Variants in CARMIL3 observed in about 807,000 individuals in gnomAD.
The protein encoded by CARMIL3 is capping protein, Arp2/3 and myosin-I linker protein 3.
Under a neutral mutation model 180.8 loss-of-function variants are expected in CARMIL3, and 88 were observed. The ratio of observed to expected loss-of-function variants is 0.49; its 90% CI spans 0.41 to 0.58. The LOEUF (loss-of-function observed/expected upper bound fraction) is 0.58, where lower values mean the gene tolerates loss of function less well. Ranked by LOEUF, CARMIL3 falls within the 20% of genes least tolerant of loss-of-function variation. The pLI is 0.00. For missense variants in CARMIL3, 1,548 were observed against 1,787.0 expected (o/e 0.87, Z 2.41); for synonymous variants, 696 against 714.5 (o/e 0.97, Z 0.41).
intron 23 of CARMIL3, 31 bp downstream of exon 23, chr14:24,060,094 C>G: frequency 6.2e-7 from 1 of 1,613,752 alleles, no homozygotes; most frequent in South Asian, 1.1e-5. Flanking sequence ...CAGGGTGGCA[C>G]AGCAAGGGGC....
Position 24,054,843 on chromosome 14 carries a change from C to G in CARMIL3, c.460+35C>G, listed in dbSNP as rs374883728. Reference sequence around the variant, plus strand: ...GGCAGATGTGAGGAAAGTAGGCGCTCCACCATCTTGCCCCATGATCAGAGC... The same window carrying G: ...GGCAGATGTGAGGAAAGTAGGCGCTGCACCATCTTGCCCCATGATCAGAGC... On this transcript the variant is annotated intron_variant, in intron 6 of 39. Coordinates refer to ENST00000342740, the MANE Select transcript of CARMIL3 (RefSeq NM_138360.4). The surrounding 1 kb of genome is among the most constrained non-coding windows in gnomAD (Gnocchi z 5.1). The G allele has an allele frequency of 2.5e-6, 4 of 1,590,042 alleles. No homozygotes were observed. Among genetic ancestry groups the G allele is most frequent in the Non-Finnish European group, 3.4e-6 (4 of 1,160,078 alleles).
chr14:24,062,989 A>G lies in CARMIL3; in HGVS notation c.2707-131A>G, dbSNP rs563034362. On this transcript the variant is annotated intron_variant, in intron 29 of 39. Transcript: ENST00000342740. ...CTGCCTCCAATCTCAATCCAGCCCA[A>G]CCTCTTCCCTCATCCCAGTGCCTCA... 4.1e-5 allele frequency: 63 copies of G among 1,536,164 alleles called. No individual in the cohort carries two copies. The South Asian group carries it at 4.2e-4, about 10-fold the overall frequency.
In CARMIL3 at chr14:24,066,581, A is replaced by G; in HGVS notation, c.3607A>G (p.Lys1203Glu). Residue 1203 changes from lysine (K) to glutamate (E), a missense_variant, in exon 36 of 40, where the codon AAG becomes GAG. Coordinates refer to ENST00000342740, the MANE Select transcript of CARMIL3 (RefSeq NM_138360.4). ...CTCTACTCCAGGGCCTGGATCCTGG[A>G]AGCCCCCACCACCGCCCCAAAGCAC... The part of the protein sequence containing the change: ...SSDDAGPGSW[K>E]PPPPPQSTKP... The G allele has an allele frequency of 6.2e-7, 1 of 1,614,112 alleles. No homozygotes were observed. The highest frequency in any genetic ancestry group is 8.5e-7 in the Non-Finnish European group (1 of 1,179,968).
intron 25 of CARMIL3, 50 bp from the exon 26 acceptor site, chr14:24,060,877 C>G (rs746277070): frequency 2.6e-6 from 4 of 1,540,488 alleles, no homozygotes; most frequent in Middle Eastern, 1.7e-4. Context: ...CCCCAGAGAC[C>G]TAGCAAGTCC....
Position 24,055,738 on chromosome 14 carries a change from G to A in CARMIL3, c.719G>A (p.Ser240Asn), listed in dbSNP as rs778054208. Residue 240 changes from serine to asparagine, a missense_variant, in exon 10 of 40, where the codon AGC (serine) becomes AAC (asparagine). Transcript: ENST00000342740. ...EVLEQVLHTL[S>N]KSGSLEELVL... The stretch of plus-strand genomic sequence containing the variant: ...CTAGAACAGGTGCTACATACCCTAA[G>A]CAAGTCGGGGAGCCTCGAAGAGCTG... 6.2e-7 allele frequency: 1 copy of A among 1,614,116 alleles called. No homozygotes were observed. The highest frequency in any genetic ancestry group is 8.5e-7 in the Non-Finnish European group (1 of 1,179,994).
At chr14:24,064,608 TG>T (rs2138781616) in intron 32 of CARMIL3, among the ~76,000 whole-genome samples, 1 of 151,188 alleles carries the variant, frequency 6.6e-6, no homozygotes. Flanking sequence ...GAGAGGGAGG[TG>T]GGGGGCAGCC....
chr14:24,066,487 C>T (rs2035787968), intron 35 of CARMIL3, 23 bp downstream of exon 35: 1 of 1,613,820 alleles, frequency 6.2e-7, no homozygotes, highest in East Asian at 2.2e-5. Flanking sequence ...ACATTCAAAG[C>T]CCTTTTGGAC....
intron 1 of CARMIL3, among the ~76,000 whole-genome samples, chr14:24,052,989 A>C (rs1052171186): frequency 1.3e-5 from 2 of 152,104 alleles, no homozygotes; most frequent in African/African-American, 2.4e-5. Flanking sequence ...CCACACCTGC[A>C]CACACACACA....
At position 24,060,687 on chromosome 14, in the gene CARMIL3, C is replaced by T. The variant is rs1053237835; in HGVS notation, c.2121C>T (p.Pro707=). 6.2e-7 allele frequency: 1 copy of T among 1,613,884 alleles called. No homozygotes were observed. The highest frequency in any genetic ancestry group is 8.5e-7 in the Non-Finnish European group (1 of 1,179,838). ...QEEVRALRLC[P]LEPVQDELLY... ...AGGTGCGGGCCCTGAGACTATGCCC[C>T]CTGGAGCCTGTGCAGGATGAGCTAC... Residue 707 remains proline, a synonymous_variant, in exon 25 of 40, where the codon CCC becomes CCT. Coordinates refer to ENST00000342740, the MANE Select transcript of CARMIL3 (RefSeq NM_138360.4).
In CARMIL3 at chr14:24,057,843, C is replaced by T. The variant is rs201678261; in HGVS notation, c.1181C>T (p.Thr394Ile). Residue 394 changes from threonine to isoleucine, a missense_variant, in exon 15 of 40, where the codon ACC becomes ATC. By Grantham distance (89) the Thr-to-Ile change is moderately conservative. This residue lies in a region of CARMIL3 where 578 missense variants were observed against 666.5 expected (regional missense o/e 0.87). Transcript: ENST00000342740. ...CTCCACGGCTGCTGCTCCCACCTCA[C>T]CTACCTCAACCTGGCTCGCAACAGC... is the stretch of plus-strand genomic sequence containing the variant. ...ALLHGCCSHL[T>I]YLNLARNSCS... 9.9e-6 allele frequency: 16 copies of T among 1,612,236 alleles called. No individual in the cohort carries two copies. The East Asian group carries it at 3.1e-4, about 31-fold the overall frequency.
At position 24,061,061 on chromosome 14, in the gene CARMIL3, G is replaced by C. The variant is rs2035728147; in HGVS notation, c.2304+21G>C. 1 of 1,546,188 alleles carries C rather than the reference G, an allele frequency of 6.5e-7. No homozygotes were observed. The highest frequency in any genetic ancestry group is 1.4e-5 in the African/African-American group (1 of 73,054). ...TGCAGGCAAGTCCTGGAGGAGGGAG[G>C]AATCCATGGTGGGAACCTAGTGTTG... is the stretch of plus-strand genomic sequence containing the variant. On this transcript the variant is annotated intron_variant, in intron 26 of 39. Coordinates refer to ENST00000342740, the MANE Select transcript of CARMIL3 (RefSeq NM_138360.4). This position sits in a 1 kb window ranked among gnomAD's most constrained non-coding sequence, Gnocchi z 4.1.
rs777788779 is a variant in CARMIL3, at chr14:24,056,384, G to A, written c.856G>A (p.Glu286Lys). ...HALTLSHNPI[E>K]DKGFLSLSQQ... is the part of the protein sequence containing the mutation. The stretch of plus-strand genomic sequence containing the variant: ...CCTCACTCTGTCCCACAACCCCATC[G>A]AGGACAAGGGTGAGCCCCAGCCCTG... Residue 286 changes from glutamate (E) to lysine (K), a missense_variant, in exon 11 of 40, where the codon GAG (glutamate) becomes AAG (lysine). Glu to Lys is a moderately conservative substitution (Grantham distance 56). Transcript: ENST00000342740. 1.5e-5 allele frequency: 24 copies of A among 1,612,920 alleles called. No individual in the cohort carries two copies. Among genetic ancestry groups the A allele is most frequent in the African/African-American group, 2.7e-5 (2 of 74,834 alleles).
chr14:24,065,465 G>A, intron 33 of CARMIL3, 157 bp from the exon 34 acceptor site: 4 of 1,160,294 alleles, frequency 3.4e-6, no homozygotes, highest in East Asian at 2.5e-5. Context: ...AGTGCTATAT[G>A]CGAATGCAGG....
chr14:24,057,180 T>A lies in CARMIL3; in HGVS notation c.1076T>A (p.Phe359Tyr), dbSNP rs765303905. 6.2e-7 allele frequency: 1 copy of A among 1,613,880 alleles called. No individual in the cohort carries two copies. The highest frequency in any genetic ancestry group is 2.2e-5 in the East Asian group (1 of 44,868). Residue 359 changes from phenylalanine (F) to tyrosine (Y), a missense_variant, in exon 14 of 40, where the codon TTC (phenylalanine) becomes TAC (tyrosine). Around this residue, in one of 4 missense-constraint regions of CARMIL3, gnomAD observed 578 missense variants for 666.5 expected, o/e 0.87. Transcript: ENST00000342740. ...TTCCTACTCCAGGCCCTCTACAGTTTCCTGGCCCAACCCAACGCCCTGGTG... is the reference window on the plus strand; with the variant it reads ...TTCCTACTCCAGGCCCTCTACAGTTACCTGGCCCAACCCAACGCCCTGGTG... ...ATDEANALYS[F>Y]LAQPNALVHL...
Position 24,068,852 on chromosome 14 carries a change from C to A in CARMIL3, c.3868C>A (p.Pro1290Thr). Residue 1290 changes from proline to threonine, a missense_variant, in exon 38 of 40, where the codon CCC becomes ACC. Around this residue, in one of 4 missense-constraint regions of CARMIL3, gnomAD observed 668 missense variants for 687.8 expected, o/e 0.97. Transcript: ENST00000342740. ...PVAVPRGRQPPQEPGVREEAE... is the reference protein window; with the variant it reads ...PVAVPRGRQPTQEPGVREEAE... ...GGCTGTGCCCAGGGGCCGCCAGCCT[C>A]CCCAGGAGCCAGGGGTCAGGGAGGA... 6.2e-7 allele frequency: 1 copy of A among 1,613,370 alleles called. No individual in the cohort carries two copies. The highest frequency in any genetic ancestry group is 8.5e-7 in the Non-Finnish European group (1 of 1,179,922).
Position 24,063,120 on chromosome 14 carries a change from G to A in CARMIL3, c.2707G>A (p.Asp903Asn), listed in dbSNP as rs2035748742. The change falls in exon 30 of 40, where the codon GAC becomes AAC. Residue 903 changes from aspartate (D) to asparagine (N), a missense_variant and splice_region_variant. By Grantham distance (23) the Asp-to-Asn change is conservative. Coordinates refer to ENST00000342740, the MANE Select transcript of CARMIL3 (RefSeq NM_138360.4). ...TTDDELGTNI[D>N]TMAIKKQKRC... is the part of the protein sequence containing the mutation. ...CTGCCACTCGTCTTCATTTCTGCAG[G>A]ACACCATGGCCATCAAAAAGCAGAA... is the stretch of plus-strand genomic sequence containing the variant. 3.1e-6 allele frequency: 5 copies of A among 1,612,194 alleles called. No individual in the cohort carries two copies. In the South Asian group the frequency reaches 5.5e-5, roughly 18 times the overall value.
intron 38 of CARMIL3, 28 bp from the exon 39 acceptor site, chr14:24,069,109 G>A: frequency 6.2e-7 from 1 of 1,613,072 alleles, no homozygotes; most frequent in Non-Finnish European, 8.5e-7. Flanking sequence ...CCACTCCTGT[G>A]TTAGGCCTGC....
intron 36 of CARMIL3, 47 bp from the exon 37 acceptor site, chr14:24,068,537 A>G (rs1566544531): frequency 6.6e-7 from 1 of 1,515,598 alleles, no homozygotes; most frequent in Non-Finnish European, 9.0e-7. Flanking sequence ...GACAGGAGCT[A>G]TGCAAGAATG....
rs781303480 is a variant in CARMIL3 at position 24,054,713 on chromosome 14, G to T, written c.365G>T (p.Cys122Phe). 3 of 1,613,456 alleles carry T rather than the reference G, an allele frequency of 1.9e-6. No individual in the cohort carries two copies. The highest frequency in any genetic ancestry group is 2.5e-6 in the Non-Finnish European group (3 of 1,179,746). The change falls in exon 6 of 40, where the codon TGT becomes TTT. Residue 122 changes from cysteine to phenylalanine, a missense_variant and splice_region_variant. Transcript: ENST00000342740. The surrounding 1 kb of genome is among the most constrained non-coding windows in gnomAD (Gnocchi z 5.1). ...GGAATGACTTGTTTCTTTTCCAGGTGTTTGATCCGGCGTGGAAACGCAGAC... is the reference window on the plus strand; with the variant it reads ...GGAATGACTTGTTTCTTTTCCAGGTTTTTGATCCGGCGTGGAAACGCAGAC... Reference protein sequence around the residue: ...ALSKVCPGPGCLIRRGNADTP... With the variant: ...ALSKVCPGPGFLIRRGNADTP...
Sources: gnomAD v4.1 joint callset for allele counts (sites outside exome capture counted in the v4.1 genomes callset) on GRCh38, gnomAD v4.1.1 for gene constraint, gnomAD v4.1.1 regional missense constraint, Gnocchi (gnomAD v3.1) non-coding constraint, MANE v1.5 for transcripts, NCBI Gene and HGNC (gene_info 2026-07-23, HGNC 2026-07-21) for gene names.